Variants in VPS53 observed in about 807,000 individuals in gnomAD.
The protein encoded by VPS53 is VPS53 subunit of GARP complex.
Under a neutral mutation model 107.0 loss-of-function variants are expected in VPS53, and 70 were observed. That is an observed-to-expected ratio of 0.65 (90% CI 0.54 to 0.80). VPS53 has a LOEUF of 0.80. Ranked by LOEUF, VPS53 falls within the 30% of genes least tolerant of loss-of-function variation. The pLI, the probability that VPS53 is intolerant of heterozygous loss-of-function variation, is 0.00. For synonymous variants in VPS53, 409 were observed against 393.3 expected, an observed-to-expected ratio of 1.04 and a Z score of -0.47; for missense variants, 917 against 1,049.4, an observed-to-expected ratio of 0.87 and a Z score of 1.74.
rs1411967785 is a variant in VPS53 at position 645,435 on chromosome 17, A to G, written c.608+7856T>C. Among the ~76,000 whole-genome samples the G allele has an allele frequency of 5.9e-5, 9 of 152,204 alleles. No homozygotes were observed. The East Asian group carries it at 1.7e-3, about 29-fold the overall frequency. On this transcript the variant is annotated intron_variant, in intron 7 of 21. Coordinates refer to ENST00000437048, the MANE Select transcript of VPS53 (RefSeq NM_001128159.3). ...ATTATCAGATAAATGATTTGGAAAT[A>G]TTCTTCCCATTCTGTGCATTGCCAT...
intron 11 of VPS53, among the ~76,000 whole-genome samples, chr17:605,977 G>A (rs1597372896): frequency 6.6e-6 from 1 of 152,146 alleles, no homozygotes; most frequent in South Asian, 2.1e-4. Context: ...TAGGGGAATG[G>A]ATTATAATGA....
At chr17:631,353 A>G (rs1426240055) in intron 8 of VPS53, among the ~76,000 whole-genome samples, 197 bp downstream of exon 8, 1 of 151,944 alleles carries the variant, frequency 6.6e-6, no homozygotes, top group Non-Finnish European at 1.5e-5. Flanking sequence ...TGAGGCTGGA[A>G]GGAAACAGAG....
chr17:564,806 C>T (rs945764213), intron 13 of VPS53, among the ~76,000 whole-genome samples: 13 of 152,148 alleles, frequency 8.5e-5, no homozygotes, highest in African/African-American at 2.9e-4. Context: ...AATTTTTCTC[C>T]GATTTCCCAT....
At chr17:560,667 A>C in intron 14 of VPS53, 94 bp from the exon 15 acceptor site, 1 of 1,471,880 alleles carries the variant, frequency 6.8e-7, no homozygotes, top group Non-Finnish European at 9.2e-7. Flanking sequence ...AAAAGGGGGA[A>C]GTAAAGGCTG....
chr17:596,193 C>G (rs12937138), intron 12 of VPS53, among the ~76,000 whole-genome samples: 29,097 of 152,076 alleles, frequency 0.19, 3,094 homozygotes, highest in Admixed American at 0.3. Flanking sequence ...TTAGAAATAT[C>G]TTTATTTATT....
intron 12 of VPS53, among the ~76,000 whole-genome samples, 166 bp from the exon 13 acceptor site, chr17:586,530 A>G (rs1967328128): frequency 6.6e-6 from 1 of 152,226 alleles, no homozygotes; most frequent in African/African-American, 2.4e-5. Flanking sequence ...AGGTGAAGAA[A>G]AACCAGCTTT....
At chr17:598,182 C>G (rs2143006179) in intron 12 of VPS53, among the ~76,000 whole-genome samples, 1 of 152,366 alleles carries the variant, frequency 6.6e-6, no homozygotes, top group South Asian at 2.1e-4. Context: ...AGGCCGGTCT[C>G]CAGCCCCTAA....
intron 7 of VPS53, among the ~76,000 whole-genome samples, chr17:651,825 G>T (rs944782126): frequency 6.6e-6 from 1 of 152,044 alleles, no homozygotes; most frequent in Non-Finnish European, 1.5e-5. Context: ...CAGAAAAGGT[G>T]GTGCATCAAC....
rs1214235747 is a variant in VPS53, at chr17:560,586, A to G, written c.1557-13T>C. 2 of 1,611,608 alleles carry G rather than the reference A, an allele frequency of 1.2e-6. No individual in the cohort carries two copies. The highest frequency in any genetic ancestry group is 4.5e-5 in the East Asian group (2 of 44,834). ...GCTGGTTGTGGTTCTGAAGAAAAGG[A>G]ACAGGAACAAGTCAGCATGGAATTT... On this transcript the variant is annotated splice_polypyrimidine_tract_variant and intron_variant, in intron 14 of 21. Transcript: ENST00000437048.
chr17:650,916 A>C (rs1970919087), intron 7 of VPS53, among the ~76,000 whole-genome samples: 1 of 152,226 alleles, frequency 6.6e-6, no homozygotes, highest in South Asian at 2.1e-4. Flanking sequence ...AAAATATCTA[A>C]AATACATGTG....
chr17:517,374 GC>G lies in VPS53; in HGVS notation c.*1753del. On this transcript the variant is annotated 3_prime_UTR_variant, in exon 22 of 22. Coordinates refer to ENST00000437048, the MANE Select transcript of VPS53 (RefSeq NM_001128159.3). ...AGAGCTGGACGGCATCGGGGAGAAA[GC>G]CTGGCAGAGAGGGCAGGGGCACAGA... The G allele has an allele frequency of 5.0e-6, 2 of 399,798 alleles. No homozygotes were observed. The highest frequency in any genetic ancestry group is 7.1e-5 in the East Asian group (2 of 28,252). The allele number at this position is 399,798 out of a possible 1,614,324, so 24.8% of individuals were successfully genotyped here. A position where few individuals can be genotyped will look rare whatever the true frequency, so the allele number is the denominator to read the frequency against.
intron 4 of VPS53, 108 bp downstream of exon 4, chr17:697,310 C>T (rs1056294291): frequency 4.3e-6 from 4 of 925,480 alleles, no homozygotes; most frequent in South Asian, 2.8e-5. Context: ...ATGTATGAAA[C>T]GGATCAATCG....
At chr17:553,314 C>T (rs542993427) in intron 16 of VPS53, 66 bp downstream of exon 16, 38 of 1,489,858 alleles carry the variant, frequency 2.6e-5, no homozygotes, top group African/African-American at 5.5e-5. Context: ...AGGGTACATA[C>T]GTGCTGCACG....
intron 19 of VPS53, among the ~76,000 whole-genome samples, chr17:525,990 T>C (rs1909102825): frequency 7.7e-6 from 1 of 130,076 alleles, no homozygotes. Context: ...CGGTGAGACA[T>C]TTTCTCAAAA....
At chr17:572,773 G>T (rs1467478127) in intron 13 of VPS53, among the ~76,000 whole-genome samples, 2 of 148,646 alleles carry the variant, frequency 1.3e-5, no homozygotes, top group Non-Finnish European at 2.9e-5. Context: ...ACCACTCAGG[G>T]TTAAATGGAT....
chr17:585,467 G>A (rs1175910985), intron 13 of VPS53, among the ~76,000 whole-genome samples: 1 of 152,086 alleles, frequency 6.6e-6, no homozygotes, highest in African/African-American at 2.4e-5. Flanking sequence ...GACCAGCCTG[G>A]GCAACACAGG....
At chr17:631,652 A>G in intron 7 of VPS53, 24 bp from the exon 8 acceptor site, 2 of 1,601,288 alleles carry the variant, frequency 1.2e-6, no homozygotes, top group East Asian at 4.5e-5. Flanking sequence ...AGAACATATC[A>G]TCACCTGGCA....
intron 18 of VPS53, among the ~76,000 whole-genome samples, chr17:533,828 TGA>T (rs1371763256): frequency 6.7e-6 from 1 of 148,672 alleles, no homozygotes; most frequent in African/African-American, 2.5e-5. Context: ...GAATGCACAT[TGA>T]GTAAATCATA....
At chr17:686,453 G>A (rs1353742561) in intron 4 of VPS53, among the ~76,000 whole-genome samples, 1 of 152,180 alleles carries the variant, frequency 6.6e-6, no homozygotes, top group Non-Finnish European at 1.5e-5. Flanking sequence ...TTTAACTATA[G>A]GGTGATATTG....
Sources: gnomAD v4.1 joint callset for allele counts (sites outside exome capture counted in the v4.1 genomes callset) on GRCh38, gnomAD v4.1.1 for gene constraint, MANE v1.5 for transcripts, NCBI Gene and HGNC (gene_info 2026-07-23, HGNC 2026-07-21) for gene names.